PTPN4: variants seen among roughly 807,000 people sequenced by gnomAD.
PTPN4 encodes tyrosine-protein phosphatase non-receptor type 4.
In PTPN4, 49 loss-of-function variants were observed where a neutral mutation model predicts 135.5. That is an observed-to-expected ratio of 0.36 (90% confidence interval 0.29 to 0.46). The LOEUF (loss-of-function observed/expected upper bound fraction) is 0.46. PTPN4 is among the 20% of genes least tolerant of loss of function. The probability of loss-of-function intolerance (pLI) is 1.00; values close to 1 mark genes in which losing one functional copy is unlikely to be tolerated. For synonymous variants in PTPN4, 333 were observed against 369.9 expected (o/e 0.90, Z 1.14); for missense variants, 860 against 1,101.0 (o/e 0.78, Z 3.10).
intron 1 of PTPN4, among the ~76,000 whole-genome samples, chr2:119,760,619 T>G (rs1157318548): frequency 6.6e-6 from 1 of 152,030 alleles, no homozygotes; most frequent in Non-Finnish European, 1.5e-5. Context: ...GGAATCTCTG[T>G]TATGGGTCAG....
chr2:119,960,988 CTT>C (rs1473944123), intron 23 of PTPN4, 35 bp downstream of exon 23: 2 of 1,594,250 alleles, frequency 1.3e-6, no homozygotes, highest in Admixed American at 3.6e-5. Context: ...ATTGCTTGGA[CTT>C]TTTTCAAATT....
intron 23 of PTPN4, 104 bp from the exon 24 acceptor site, chr2:119,962,512 A>G (rs1260648213): frequency 4.4e-6 from 3 of 686,230 alleles, no homozygotes; most frequent in Non-Finnish European, 6.1e-6. Flanking sequence ...TTTTCTTGTA[A>G]CTTTTATATG....
At chr2:119,832,838 T>G (rs890030596) in intron 2 of PTPN4, among the ~76,000 whole-genome samples, 8 of 152,192 alleles carry the variant, frequency 5.3e-5, no homozygotes, top group Non-Finnish European at 1.0e-4. Context: ...ATACATTCTT[T>G]TACGCACATT....
chr2:119,831,663 A>T (rs564575184), intron 2 of PTPN4, among the ~76,000 whole-genome samples: 13 of 152,312 alleles, frequency 8.5e-5, no homozygotes, highest in African/African-American at 3.1e-4. Context: ...ATTTGATATT[A>T]TAGGCACATC....
chr2:119,820,002 C>T (rs904852490), intron 2 of PTPN4, among the ~76,000 whole-genome samples: 2 of 152,038 alleles, frequency 1.3e-5, no homozygotes, highest in African/African-American at 2.4e-5. Context: ...GCTGAGACTA[C>T]GGGCATGCGC....
intron 1 of PTPN4, among the ~76,000 whole-genome samples, chr2:119,773,000 G>C (rs886890077): frequency 6.6e-6 from 1 of 152,156 alleles, no homozygotes; most frequent in African/African-American, 2.4e-5. Flanking sequence ...AGAGATCTTA[G>C]ATATGAGATT....
intron 1 of PTPN4, among the ~76,000 whole-genome samples, chr2:119,784,980 C>G (rs1691021776): frequency 6.6e-6 from 1 of 151,952 alleles, no homozygotes; most frequent in Admixed American, 6.6e-5. Context: ...AGAAACACCT[C>G]TAAACTTCCT....
At chr2:119,946,152 A>G (rs1679129711) in intron 16 of PTPN4, among the ~76,000 whole-genome samples, 189 bp from the exon 17 acceptor site, 1 of 152,084 alleles carries the variant, frequency 6.6e-6, no homozygotes, top group Non-Finnish European at 1.5e-5. Context: ...ATGAGAGGAT[A>G]TATCTGGTTG....
At position 119,760,135 on chromosome 2, in the gene PTPN4, A is replaced by T; in HGVS notation, c.-267A>T. 1 of 391,746 alleles carries T rather than the reference A, an allele frequency of 2.6e-6. No individual in the cohort carries two copies. Among genetic ancestry groups the T allele is most frequent in the Non-Finnish European group, 4.5e-6 (1 of 222,012 alleles). 24.3% of individuals were successfully genotyped at this position (391,746 alleles called of 1,614,324 possible). On this transcript the variant is annotated 5_prime_UTR_variant, in exon 1 of 27. Coordinates refer to ENST00000263708, the MANE Select transcript of PTPN4 (RefSeq NM_002830.4). ...GGGGTGTGGATTATCTCATCCCTGC[A>T]GGGAGGTAGGAGAGGTCGCCGGCTG...
At position 119,971,524 on chromosome 2, in the gene PTPN4, G is replaced by A. The variant is rs540032898; in HGVS notation, c.2694+3552G>A. On this transcript the variant is annotated intron_variant, in intron 26 of 26. Coordinates refer to ENST00000263708, the MANE Select transcript of PTPN4 (RefSeq NM_002830.4). ...CTTTTGCCTGTTTTTGAATTTGGCC[G>A]CCATTTTATTGGCGAGTTGTAAGTA... 4.5e-4 allele frequency among the ~76,000 whole-genome samples: 69 copies of A among 152,218 alleles called. No homozygotes were observed. In the South Asian group the frequency reaches 0.014, roughly 30 times the overall value.
At chr2:119,963,180 C>G (rs1239693121) in intron 24 of PTPN4, among the ~76,000 whole-genome samples, 2 of 152,080 alleles carry the variant, frequency 1.3e-5, no homozygotes, top group East Asian at 1.9e-4. Context: ...TTCACAGTCC[C>G]CTACCTATTA....
intron 1 of PTPN4, among the ~76,000 whole-genome samples, chr2:119,796,284 A>G (rs139030564): frequency 0.017 from 2,640 of 152,292 alleles, 46 homozygotes; most frequent in South Asian, 0.035. Flanking sequence ...CACCACTACA[A>G]TAAAAATAAT....
rs765031350 is a variant in PTPN4 at position 119,936,791 on chromosome 2, T to G, written c.1355+1833T>G. ...CTTGGAACTGTGAAGAGTTTTTGCT[T>G]CTTCTCTCTTGTGCACAAGAATATA... On this transcript the variant is annotated intron_variant, in intron 15 of 26. Transcript: ENST00000263708. Among the ~76,000 whole-genome samples the G allele has an allele frequency of 4.1e-4, 62 of 152,212 alleles. 1 individual carries two copies. In the Middle Eastern group the frequency reaches 0.014, roughly 33 times the overall value.
intron 2 of PTPN4, among the ~76,000 whole-genome samples, chr2:119,843,072 T>C (rs1677405707): frequency 6.6e-6 from 1 of 152,234 alleles, no homozygotes; most frequent in African/African-American, 2.4e-5. Context: ...TTCTTGTCTG[T>C]CTATTGATAT....
intron 1 of PTPN4, among the ~76,000 whole-genome samples, chr2:119,781,117 G>A (rs1344295051): frequency 6.6e-6 from 1 of 151,592 alleles, no homozygotes; most frequent in African/African-American, 2.4e-5. Context: ...CTTTTTCTTT[G>A]ACTAGTCCTC....
rs563348065 is a variant in PTPN4 at position 119,890,343 on chromosome 2, T to C, written c.675+4461T>C. ...GATAAAAGCTGAGGTACTCCTAACT[T>C]CTCATTTTCATTTGTATGGAGTATT... On this transcript the variant is annotated intron_variant, in intron 9 of 26. Transcript: ENST00000263708. 2.0e-5 allele frequency among the ~76,000 whole-genome samples: 3 copies of C among 152,168 alleles called. No homozygotes were observed. The East Asian group carries it at 5.8e-4, about 29-fold the overall frequency.
intron 2 of PTPN4, among the ~76,000 whole-genome samples, chr2:119,833,224 T>C (rs1677244666): frequency 6.6e-6 from 1 of 152,062 alleles, no homozygotes; most frequent in Non-Finnish European, 1.5e-5. Context: ...TTTTATTCTT[T>C]CCATGTGGCT....
At chr2:119,975,639 C>T (rs980062825) in intron 26 of PTPN4, among the ~76,000 whole-genome samples, 1 of 152,100 alleles carries the variant, frequency 6.6e-6, no homozygotes, top group Non-Finnish European at 1.5e-5. Context: ...GCAGGAGACT[C>T]TCTTGAACCC....
intron 1 of PTPN4, among the ~76,000 whole-genome samples, chr2:119,778,173 T>C (rs1159521868): frequency 6.6e-6 from 1 of 152,186 alleles, no homozygotes; most frequent in East Asian, 1.9e-4. Flanking sequence ...GTAGTACTTA[T>C]GAAAGATTGG....
Sources: allele counts gnomAD v4.1 joint callset (sites outside exome capture counted in the v4.1 genomes callset), GRCh38; gene constraint gnomAD v4.1.1; transcripts MANE v1.5; gene names NCBI Gene and HGNC (gene_info 2026-07-23, HGNC 2026-07-21).